The following ABCB4 variants were observed in gnomAD, a reference collection of about 807,000 sequenced individuals.
ABCB4 encodes ATP binding cassette subfamily B member 4.
A neutral mutation model predicts 145.7 loss-of-function variants in ABCB4; 76 were observed. That is an observed-to-expected ratio of 0.52 (90% CI 0.43 to 0.63). ABCB4 has a LOEUF of 0.63. Among genes scored for constraint, ABCB4 ranks in the 30% least tolerant of loss-of-function variants. The pLI is 0.00. For missense variants in ABCB4, 1,234 were observed against 1,553.1 expected (o/e 0.79, Z 3.45); for synonymous variants, 517 against 566.8 (o/e 0.91, Z 1.25).
chr7:87,447,446 A>G (rs1030168638), intron 8 of ABCB4, among the ~76,000 whole-genome samples: 3 of 152,122 alleles, frequency 2.0e-5, no homozygotes, highest in Non-Finnish European at 4.4e-5. Context: ...AAGCCAACCA[A>G]CATTCCTGTG....
the ABCB4 span, among the ~76,000 whole-genome samples, chr7:87,386,965 T>C: frequency 6.6e-6 from 1 of 152,176 alleles, no homozygotes; most frequent in Admixed American, 6.6e-5. Context: ...GGTGTCTGTC[T>C]GCCTTGATCT....
At chr7:87,443,191 G>T in intron 12 of ABCB4, 128 bp downstream of exon 12, 1 of 1,177,542 alleles carries the variant, frequency 8.5e-7, no homozygotes, top group Non-Finnish European at 1.3e-6. Flanking sequence ...TTATCCATCG[G>T]CATTGCCATT....
the ABCB4 span, among the ~76,000 whole-genome samples, chr7:87,372,235 A>G: frequency 6.6e-6 from 1 of 152,272 alleles, no homozygotes; most frequent in African/African-American, 2.4e-5. Flanking sequence ...TAGTCTCTAC[A>G]TTAATCTTTT....
At chr7:87,382,450 C>A in the ABCB4 span, 15 of 1,613,794 alleles carry the variant, frequency 9.3e-6, no homozygotes, top group East Asian at 2.9e-4. Context: ...GCCTTTACAT[C>A]TTTTGGCAAA....
At chr7:87,450,697 C>T (rs1244364674) in intron 7 of ABCB4, among the ~76,000 whole-genome samples, 1 of 151,962 alleles carries the variant, frequency 6.6e-6, no homozygotes, top group Non-Finnish European at 1.5e-5. Context: ...GTCTCAATCT[C>T]CTGACCTCGT....
At chr7:87,394,727 A>C in the ABCB4 span, among the ~76,000 whole-genome samples, 1 of 152,134 alleles carries the variant, frequency 6.6e-6, no homozygotes, top group Non-Finnish European at 1.5e-5. Context: ...AGGCATACCT[A>C]TAGACTCTAC....
At chr7:87,459,571 A>G (rs1369296393) in intron 4 of ABCB4, among the ~76,000 whole-genome samples, 1 of 152,098 alleles carries the variant, frequency 6.6e-6, no homozygotes, top group South Asian at 2.1e-4. Flanking sequence ...AACCCTGTGT[A>G]GAAGCCATTT....
At chr7:87,366,956 C>T in the ABCB4 span, among the ~76,000 whole-genome samples, 52 of 152,180 alleles carry the variant, frequency 3.4e-4, no homozygotes, top group Non-Finnish European at 6.2e-4. Flanking sequence ...TTATGCCTTT[C>T]GCTCTCCTTC....
intron 17 of ABCB4, among the ~76,000 whole-genome samples, chr7:87,422,480 T>C (rs1262446525): frequency 7.2e-5 from 11 of 152,138 alleles, no homozygotes; most frequent in Admixed American, 7.2e-4. Flanking sequence ...CTTTTCGCCT[T>C]CCCAAACTTC....
chr7:87,437,512 A>T (rs1810688483), intron 14 of ABCB4, among the ~76,000 whole-genome samples: 1 of 152,144 alleles, frequency 6.6e-6, no homozygotes, highest in Non-Finnish European at 1.5e-5. Context: ...CAATTTAGCA[A>T]CCAAAAAATA....
chr7:87,366,399 G>T, the ABCB4 span, among the ~76,000 whole-genome samples: 1 of 151,810 alleles, frequency 6.6e-6, no homozygotes, highest in African/African-American at 2.4e-5. Flanking sequence ...CTACATTGTT[G>T]CAGTGACTTT....
chr7:87,396,136 T>C, the ABCB4 span, among the ~76,000 whole-genome samples: 4 of 152,088 alleles, frequency 2.6e-5, no homozygotes, highest in Non-Finnish European at 5.9e-5. Flanking sequence ...GATTTCAAGG[T>C]ATGGATGTTG....
chr7:87,436,226 A>G (rs1463476202), intron 14 of ABCB4, among the ~76,000 whole-genome samples: 3 of 152,210 alleles, frequency 2.0e-5, no homozygotes, highest in African/African-American at 4.8e-5. Context: ...TAGTCATCCA[A>G]TAAAATTAGG....
At chr7:87,386,917 A>G in the ABCB4 span, among the ~76,000 whole-genome samples, 1 of 152,094 alleles carries the variant, frequency 6.6e-6, no homozygotes, top group African/African-American at 2.4e-5. Flanking sequence ...TTGAAGCAGG[A>G]ATGATTTTTC....
At chr7:87,392,482 T>G in the ABCB4 span, 1 of 1,015,636 alleles carries the variant, frequency 9.8e-7, no homozygotes. Context: ...ATTACCCCAA[T>G]CCTAATTACA....
At chr7:87,458,795 A>C (rs1812267332) in intron 4 of ABCB4, among the ~76,000 whole-genome samples, 1 of 152,202 alleles carries the variant, frequency 6.6e-6, no homozygotes, top group Non-Finnish European at 1.5e-5. Flanking sequence ...ACAGGGTACC[A>C]AGCATCATAA....
chr7:87,392,836 A>G, the ABCB4 span: 9 of 1,610,202 alleles, frequency 5.6e-6, no homozygotes, highest in South Asian at 8.8e-5. Flanking sequence ...AATATAGTGT[A>G]GTGTTTTACA....
the ABCB4 span, among the ~76,000 whole-genome samples, chr7:87,395,319 G>C: frequency 2.0e-5 from 3 of 152,166 alleles, no homozygotes; most frequent in African/African-American, 7.2e-5. Flanking sequence ...TGATTAGATG[G>C]TGCCCTCCCA....
the ABCB4 span, among the ~76,000 whole-genome samples, chr7:87,394,725 C>G: frequency 6.6e-6 from 1 of 151,888 alleles, no homozygotes; most frequent in African/African-American, 2.4e-5. Context: ...AAAGGCATAC[C>G]TATAGACTCT....
Sources: allele counts gnomAD v4.1 joint callset (sites outside exome capture counted in the v4.1 genomes callset), GRCh38; gene constraint gnomAD v4.1.1; transcripts MANE v1.5; gene names NCBI Gene and HGNC (gene_info 2026-07-23, HGNC 2026-07-21).